The following C10orf90 variants were observed in gnomAD, a reference collection of about 807,000 sequenced individuals.
C10orf90 encodes the protein (E2-independent) E3 ubiquitin-conjugating enzyme FATS.
Under a neutral mutation model 62.5 loss-of-function variants are expected in C10orf90, and 56 were observed. The observed-to-expected ratio is 0.90, with a 90% CI of 0.72 to 1.12. The LOEUF (loss-of-function observed/expected upper bound fraction) is 1.12, where lower values mean the gene tolerates loss of function less well. C10orf90 is among the 50% of genes most tolerant of loss of function. C10orf90 has a pLI of 0.00. For missense variants in C10orf90, 970 were observed against 880.4 expected, an observed-to-expected ratio of 1.10 and a Z score of -1.29; for synonymous variants, 386 against 340.4, an observed-to-expected ratio of 1.13 and a Z score of -1.47.
intron 2 of C10orf90, among the ~76,000 whole-genome samples, chr10:126,581,892 C>T (rs533052693): frequency 7.9e-5 from 12 of 152,308 alleles, no homozygotes; most frequent in African/African-American, 2.9e-4. Flanking sequence ...CCTGGGGCCG[C>T]CTTACTGCTG....
At chr10:126,619,664 C>T (rs1845608551) in intron 2 of C10orf90, among the ~76,000 whole-genome samples, 1 of 152,016 alleles carries the variant, frequency 6.6e-6, no homozygotes. Flanking sequence ...GTTTTTGAGA[C>T]AGTCTTGCTC....
At chr10:126,519,688 A>G (rs1863635072) in intron 2 of C10orf90, among the ~76,000 whole-genome samples, 1 of 152,170 alleles carries the variant, frequency 6.6e-6, no homozygotes, top group Admixed American at 6.5e-5. Context: ...AATTCAGCTA[A>G]TCATCTTGGT....
rs1404015623 is a variant in C10orf90, at chr10:126,504,762, G to A, written c.729C>T (p.Arg243=). The change falls in exon 4 of 10, where the codon CGC becomes CGT. Residue 243 remains arginine, a synonymous_variant. Transcript: ENST00000488181. The surrounding 1 kb of genome is among the most constrained non-coding windows in gnomAD (Gnocchi z 4.1). ...CCAGGGCGCGGGCTGGGGGGCCCAC[G>A]CGTCTGGCCGTGATGGTGATGGATG... ...GFASITITAR[R]VGPPARALVW... is the part of the protein sequence containing the mutation. 12 of 1,586,868 alleles carry A rather than the reference G, an allele frequency of 7.6e-6. No homozygotes were observed. The highest frequency in any genetic ancestry group is 4.5e-5 in the East Asian group (2 of 44,586).
chr10:126,549,649 A>G (rs1323844384), intron 2 of C10orf90, among the ~76,000 whole-genome samples: 1 of 152,028 alleles, frequency 6.6e-6, no homozygotes, highest in Non-Finnish European at 1.5e-5. Context: ...ATGAGTCAAC[A>G]GTTTCACTCA....
intron 2 of C10orf90, among the ~76,000 whole-genome samples, chr10:126,584,572 G>A (rs901349039): frequency 5.3e-5 from 8 of 152,030 alleles, no homozygotes; most frequent in Non-Finnish European, 7.4e-5. Flanking sequence ...TGGAAATACC[G>A]AATGAAGCCA....
chr10:126,639,592 A>G (rs1307758272), intron 2 of C10orf90, among the ~76,000 whole-genome samples: 1 of 152,106 alleles, frequency 6.6e-6, no homozygotes, highest in Non-Finnish European at 1.5e-5. Context: ...TGTCCCCCAC[A>G]TGTCCACCCC....
At chr10:126,638,026 T>C (rs1845986756) in intron 2 of C10orf90, among the ~76,000 whole-genome samples, 1 of 151,764 alleles carries the variant, frequency 6.6e-6, no homozygotes, top group Non-Finnish European at 1.5e-5. Context: ...GACATTGGAG[T>C]GAGGGAAGGC....
intron 1 of C10orf90, among the ~76,000 whole-genome samples, chr10:126,662,556 T>C (rs552429826): frequency 6.6e-6 from 1 of 152,336 alleles, no homozygotes; most frequent in South Asian, 2.1e-4. Flanking sequence ...GAGAGACTAC[T>C]GGGTTCTGTT....
intron 7 of C10orf90, among the ~76,000 whole-genome samples, chr10:126,457,176 A>G (rs1370238494): frequency 6.6e-6 from 1 of 152,106 alleles, no homozygotes; most frequent in Non-Finnish European, 1.5e-5. Context: ...TTTTGTAGAG[A>G]CAGGGTTTCT....
At chr10:126,529,104 TA>T in intron 2 of C10orf90, among the ~76,000 whole-genome samples, 1 of 152,276 alleles carries the variant, frequency 6.6e-6, no homozygotes, top group Non-Finnish European at 1.5e-5. Flanking sequence ...TCAGTGGATA[TA>T]CACAATAAAC....
intron 5 of C10orf90, among the ~76,000 whole-genome samples, chr10:126,464,455 A>G (rs535645459): frequency 3.9e-5 from 6 of 152,152 alleles, no homozygotes; most frequent in Admixed American, 2.0e-4. Flanking sequence ...CTCAGCCTCA[A>G]GGGAGTACTG....
chr10:126,457,795 G>A (rs1416948728), intron 7 of C10orf90, among the ~76,000 whole-genome samples: 1 of 152,202 alleles, frequency 6.6e-6, no homozygotes, highest in Non-Finnish European at 1.5e-5. Context: ...AGAAGTCTGT[G>A]CCTGAACCCA....
chr10:126,448,197 A>G (rs1203029530), intron 7 of C10orf90, among the ~76,000 whole-genome samples: 1 of 151,720 alleles, frequency 6.6e-6, no homozygotes, highest in Non-Finnish European at 1.5e-5. Flanking sequence ...TCTCATCACA[A>G]TGGTATGAAA....
At chr10:126,470,903 G>T (rs1860552914) in intron 4 of C10orf90, among the ~76,000 whole-genome samples, 1 of 152,240 alleles carries the variant, frequency 6.6e-6, no homozygotes, top group South Asian at 2.1e-4. Context: ...ACTTTTGTCT[G>T]CAGGTTAAAA....
intron 2 of C10orf90, among the ~76,000 whole-genome samples, chr10:126,600,714 TGTGTGTTTCTTAGGC>T (rs1845182350): frequency 6.6e-6 from 1 of 152,088 alleles, no homozygotes; most frequent in African/African-American, 2.4e-5. Flanking sequence ...TGAATGTGTG[TGTGTGTTTCTTAGGC>T]GTGTGTGTGT....
chr10:126,486,055 G>A (rs1410313275), intron 4 of C10orf90, among the ~76,000 whole-genome samples: 1 of 152,148 alleles, frequency 6.6e-6, no homozygotes, highest in Non-Finnish European at 1.5e-5. Flanking sequence ...GAAAACTGGA[G>A]AACAAATCCA....
intron 4 of C10orf90, among the ~76,000 whole-genome samples, chr10:126,501,602 C>T (rs1054384251): frequency 6.6e-6 from 1 of 152,162 alleles, no homozygotes; most frequent in South Asian, 2.1e-4. Context: ...ACCCCCTGCT[C>T]TAGTTACCCA....
chr10:126,475,817 A>AAG (rs1483966390), intron 4 of C10orf90, among the ~76,000 whole-genome samples: 1 of 152,224 alleles, frequency 6.6e-6, no homozygotes, highest in East Asian at 1.9e-4. Flanking sequence ...CAGTAGGCCT[A>AAG]AGGAGGAGTT....
chr10:126,459,315 C>T, intron 6 of C10orf90, 98 bp from the exon 7 acceptor site: 1 of 1,403,042 alleles, frequency 7.1e-7, no homozygotes, highest in Non-Finnish European at 9.9e-7. Context: ...GCAAGCACAA[C>T]ACTCAGAGAC....
Sources: allele counts gnomAD v4.1 joint callset (sites outside exome capture counted in the v4.1 genomes callset), GRCh38; gene constraint gnomAD v4.1.1; non-coding constraint Gnocchi (gnomAD v3.1); transcripts MANE v1.5; gene names NCBI Gene and HGNC (gene_info 2026-07-23, HGNC 2026-07-21).